The following PDE1C variants were observed in gnomAD, a reference collection of about 807,000 sequenced individuals.
PDE1C encodes phosphodiesterase 1C.
A neutral mutation model predicts 93.1 loss-of-function variants in PDE1C; 62 were observed. The observed-to-expected ratio is 0.67, with a 90% confidence interval of 0.54 to 0.82. The LOEUF is 0.82. Ranked by LOEUF, PDE1C falls within the 40% of genes least tolerant of loss-of-function variation. The probability of loss-of-function intolerance (pLI) is 0.00; values close to 1 mark genes in which losing one functional copy is unlikely to be tolerated. For synonymous variants in PDE1C, 325 were observed against 310.1 expected (o/e 1.05, Z -0.50); for missense variants, 742 against 884.6 (o/e 0.84, Z 2.04).
At chr7:31,851,099 C>T (rs866744112) in intron 7 of PDE1C, among the ~76,000 whole-genome samples, 142 of 2,696 alleles carry the variant, frequency 0.053, no homozygotes, top group Middle Eastern at 0.12. Context: ...CACACACACA[C>T]ATAAAAAAAT....
chr7:32,115,825 C>T (rs1264670544), intron 3 of PDE1C, among the ~76,000 whole-genome samples: 1 of 152,116 alleles, frequency 6.6e-6, no homozygotes, highest in Non-Finnish European at 1.5e-5. Flanking sequence ...AGAATGAAAA[C>T]TATACAGACA....
chr7:31,646,028 C>T, the PDE1C span, among the ~76,000 whole-genome samples: 1 of 152,154 alleles, frequency 6.6e-6, no homozygotes, highest in Non-Finnish European at 1.5e-5. Flanking sequence ...TTAGGTACTC[C>T]AGTTTTCACA....
At chr7:32,264,982 G>C (rs1048907267) in intron 1 of PDE1C, among the ~76,000 whole-genome samples, 1 of 152,142 alleles carries the variant, frequency 6.6e-6, no homozygotes, top group African/African-American at 2.4e-5. Context: ...TGGAATCTGA[G>C]ATGGCTTTGC....
intron 9 of PDE1C, among the ~76,000 whole-genome samples, chr7:31,841,200 C>CCTCTGT (rs1791816332): frequency 2.5e-5 from 1 of 40,192 alleles, no homozygotes; most frequent in Non-Finnish European, 5.0e-5. Context: ...TGTCTCTCTC[C>CCTCTGT]CTCTCTCTGT....
intron 3 of PDE1C, among the ~76,000 whole-genome samples, chr7:32,123,143 C>T (rs1584804672): frequency 6.6e-6 from 1 of 151,906 alleles, no homozygotes; most frequent in East Asian, 1.9e-4. Flanking sequence ...ACACATACAC[C>T]CTCCCAAGAC....
At chr7:32,294,560 C>T (rs1321577399) in intron 1 of PDE1C, among the ~76,000 whole-genome samples, 5 of 152,190 alleles carry the variant, frequency 3.3e-5, no homozygotes, top group Non-Finnish European at 7.3e-5. Context: ...GGGGCCCACT[C>T]AGGTGATTTA....
intron 3 of PDE1C, among the ~76,000 whole-genome samples, chr7:32,098,229 C>CAAATAAAAAA (rs1797866545): frequency 2.2e-5 from 1 of 46,288 alleles, no homozygotes; most frequent in Non-Finnish European, 4.1e-5. Context: ...GACTCCGTCT[C>CAAATAAAAAA]AAAAAAAAAA....
chr7:32,402,054 A>T (rs902541343), intron 1 of PDE1C, among the ~76,000 whole-genome samples: 14 of 152,204 alleles, frequency 9.2e-5, no homozygotes, highest in South Asian at 2.1e-4. Flanking sequence ...TTATAAATGT[A>T]GATATTGTTT....
intron 12 of PDE1C, 59 bp from the exon 13 acceptor site, chr7:31,825,046 T>A: frequency 2.5e-6 from 4 of 1,600,204 alleles, no homozygotes. Flanking sequence ...CTTTCCATAC[T>A]TTCCAGAAGA....
In PDE1C at chr7:32,029,802, G is replaced by A. The variant is rs138989662; in HGVS notation, c.128+21752C>T. ...TACATGCACCAATACATCTGAAAGAGATAGAAAGCAGAGTTTAGCCAATAC... is the reference window on the plus strand; with the variant it reads ...TACATGCACCAATACATCTGAAAGAAATAGAAAGCAGAGTTTAGCCAATAC... On this transcript the variant is annotated intron_variant, in intron 2 of 17. Transcript: ENST00000396191. 1.1e-3 allele frequency among the ~76,000 whole-genome samples: 166 copies of A among 152,210 alleles called. 1 individual carries two copies. Among genetic ancestry groups the A allele is most frequent in the African/African-American group, 3.8e-3 (157 of 41,546 alleles).
At chr7:31,851,061 G>GACACACACAC (rs751991137) in intron 7 of PDE1C, among the ~76,000 whole-genome samples, 6 of 83,954 alleles carry the variant, frequency 7.1e-5, no homozygotes, top group African/African-American at 1.3e-4. Context: ...TTCCTAGGTA[G>GACACACACAC]ACACACACAC....
At chr7:31,652,768 T>C in the PDE1C span, 2 of 1,613,898 alleles carry the variant, frequency 1.2e-6, no homozygotes, top group Admixed American at 3.3e-5. Flanking sequence ...TGGGCAAAGT[T>C]AGGTCCAACC....
At position 32,047,032 on chromosome 7, in the gene PDE1C, GGT is replaced by G. The variant is rs60646988; in HGVS notation, c.128+4520_128+4521del. On this transcript the variant is annotated intron_variant, in intron 2 of 17. Transcript: ENST00000396191. ...TAATCCCCTATCATACTGAAATAGGGGTGTGTGTGTGTGTGTGTGTGCGAGAC... is the reference window on the plus strand; with the variant it reads ...TAATCCCCTATCATACTGAAATAGGGGTGTGTGTGTGTGTGTGTGCGAGAC... 5.9e-3 allele frequency among the ~76,000 whole-genome samples: 884 copies of G among 148,740 alleles called. 26 individuals are homozygous for G. Among genetic ancestry groups the G allele is most frequent in the Admixed American group, 0.049 (722 of 14,856 alleles).
chr7:32,287,375 C>T (rs1292426535), intron 1 of PDE1C, among the ~76,000 whole-genome samples: 7 of 152,194 alleles, frequency 4.6e-5, no homozygotes, highest in Non-Finnish European at 1.5e-5. Flanking sequence ...TGGAGGCTCT[C>T]CCATCGCCTC....
chr7:31,824,041 G>A (rs1789333651), intron 13 of PDE1C, among the ~76,000 whole-genome samples: 1 of 152,018 alleles, frequency 6.6e-6, no homozygotes, highest in African/African-American at 2.4e-5. Context: ...CTATCCATCT[G>A]GAGCATCCCT....
At chr7:31,619,808 G>A in the PDE1C span, among the ~76,000 whole-genome samples, 2 of 152,150 alleles carry the variant, frequency 1.3e-5, no homozygotes, top group Non-Finnish European at 2.9e-5. Context: ...GCGAGGCATT[G>A]CCTCCCTCGG....
chr7:31,837,754 T>C (rs1411910183), intron 10 of PDE1C, 116 bp downstream of exon 10: 1 of 675,884 alleles, frequency 1.5e-6, no homozygotes, highest in Non-Finnish European at 2.6e-6. Context: ...AATCATTGCA[T>C]AAGAACACTC....
chr7:31,866,418 G>A (rs1016438994), intron 6 of PDE1C, among the ~76,000 whole-genome samples: 6 of 152,098 alleles, frequency 3.9e-5, no homozygotes, highest in Admixed American at 2.0e-4. Flanking sequence ...TCTAAGAGTC[G>A]CTGAAAGGGC....
chr7:31,992,573 G>A (rs1784270090), intron 2 of PDE1C, among the ~76,000 whole-genome samples: 1 of 152,192 alleles, frequency 6.6e-6, no homozygotes, highest in African/African-American at 2.4e-5. Context: ...ATAGGCTGGT[G>A]AGGTCTGAAG....
Sources: allele counts gnomAD v4.1 joint callset (sites outside exome capture counted in the v4.1 genomes callset), GRCh38; gene constraint gnomAD v4.1.1; transcripts MANE v1.5; gene names NCBI Gene and HGNC (gene_info 2026-07-23, HGNC 2026-07-21).